MTUS2: variants seen among roughly 807,000 people sequenced by gnomAD.
The protein encoded by MTUS2 is microtubule associated scaffold protein 2.
MTUS2 carries 40 observed loss-of-function variants against 114.1 expected under a neutral mutation model. The observed-to-expected ratio is 0.35, with a 90% CI of 0.27 to 0.46. The LOEUF (loss-of-function observed/expected upper bound fraction) is 0.46. Among genes scored for constraint, MTUS2 ranks in the 20% least tolerant of loss-of-function variants. The pLI is 1.00. For synonymous variants in MTUS2, 688 were observed against 672.0 expected (o/e 1.02, Z -0.37); for missense variants, 1,679 against 1,705.4 (o/e 0.98, Z 0.27).
At chr13:28,854,082 A>C (rs981520237) in intron 2 of MTUS2, among the ~76,000 whole-genome samples, 1 of 152,184 alleles carries the variant, frequency 6.6e-6, no homozygotes, top group East Asian at 1.9e-4. Context: ...GGGACTTGCT[A>C]TTCAAAGCGT....
chr13:29,248,809 A>G (rs1897019154), intron 5 of MTUS2, among the ~76,000 whole-genome samples: 1 of 152,266 alleles, frequency 6.6e-6, no homozygotes, highest in East Asian at 1.9e-4. Flanking sequence ...ACATGATCTC[A>G]TTCCTTTTTA....
At chr13:29,325,488 G>GC (rs1900453524) in intron 7 of MTUS2, among the ~76,000 whole-genome samples, 1 of 73,070 alleles carries the variant, frequency 1.4e-5, no homozygotes, top group Non-Finnish European at 3.3e-5. Context: ...AGAAGAGGAA[G>GC]AGGGAGGAGG....
chr13:28,900,304 G>T (rs143460576), intron 2 of MTUS2, among the ~76,000 whole-genome samples: 2 of 152,162 alleles, frequency 1.3e-5, no homozygotes, highest in African/African-American at 4.8e-5. Context: ...AGCTGTGTGT[G>T]TGTGTGTATG....
At chr13:29,060,268 G>A (rs1193388548) in intron 4 of MTUS2, among the ~76,000 whole-genome samples, 1 of 152,222 alleles carries the variant, frequency 6.6e-6, no homozygotes, top group Non-Finnish European at 1.5e-5. Flanking sequence ...AAATGTCCAG[G>A]TGGCTCTCTG....
intron 6 of MTUS2, among the ~76,000 whole-genome samples, chr13:29,284,475 T>TA (rs1446099598): frequency 6.6e-6 from 1 of 152,172 alleles, no homozygotes; most frequent in Non-Finnish European, 1.5e-5. Flanking sequence ...AGGTTACTGA[T>TA]ACATTTTGAA....
intron 8 of MTUS2, among the ~76,000 whole-genome samples, chr13:29,413,013 C>CT (rs1168010099): frequency 1.3e-5 from 2 of 152,278 alleles, no homozygotes; most frequent in Non-Finnish European, 2.9e-5. Flanking sequence ...GTCTCTGACA[C>CT]TGATTCTTTC....
intron 2 of MTUS2, among the ~76,000 whole-genome samples, chr13:28,896,137 G>C (rs1879251258): frequency 6.6e-6 from 1 of 152,120 alleles, no homozygotes; most frequent in Non-Finnish European, 1.5e-5. Flanking sequence ...AGATGATTAG[G>C]GAAGAGTTGT....
intron 1 of MTUS2, among the ~76,000 whole-genome samples, chr13:28,824,260 C>G (rs750465193): frequency 6.6e-6 from 1 of 152,182 alleles, no homozygotes; most frequent in African/African-American, 2.4e-5. Context: ...GTAATTCTTT[C>G]TCTGTGCCTT....
At chr13:29,371,826 T>G (rs9578090) in intron 8 of MTUS2, among the ~76,000 whole-genome samples, 30,956 of 152,066 alleles carry the variant, frequency 0.2, 3,253 homozygotes, top group Middle Eastern at 0.25. Context: ...TTCCTTGCCA[T>G]AGGTCTCATG....
At chr13:29,492,787 A>T (rs1463898605) in intron 12 of MTUS2, 68 bp downstream of exon 12, 2 of 1,235,964 alleles carry the variant, frequency 1.6e-6, no homozygotes, top group East Asian at 4.7e-5. Context: ...CCACCCACAA[A>T]CATTCATTCA....
At chr13:29,495,920 G>A (rs1882524110) in intron 12 of MTUS2, among the ~76,000 whole-genome samples, 1 of 151,750 alleles carries the variant, frequency 6.6e-6, no homozygotes, top group Admixed American at 6.6e-5. Context: ...TTATATGTGT[G>A]TGTGTGTGTG....
intron 2 of MTUS2, among the ~76,000 whole-genome samples, chr13:29,020,087 G>T (rs1593388638): frequency 6.6e-6 from 1 of 152,186 alleles, no homozygotes; most frequent in South Asian, 2.1e-4. Flanking sequence ...AGAACCAGGG[G>T]AAGCCACTTA....
chr13:29,004,340 T>C (rs988858580), intron 2 of MTUS2, among the ~76,000 whole-genome samples: 3 of 152,226 alleles, frequency 2.0e-5, no homozygotes, highest in African/African-American at 7.2e-5. Flanking sequence ...CTAAATTGAT[T>C]TGAGTTTGAA....
At chr13:29,027,860 G>A (rs753450480) in intron 3 of MTUS2, among the ~76,000 whole-genome samples, 4 of 152,098 alleles carry the variant, frequency 2.6e-5, no homozygotes, top group African/African-American at 4.8e-5. Context: ...TTTTATCACC[G>A]TATAGATACA....
rs1348753784 is a variant in MTUS2, at chr13:29,025,860, G to A, written c.1162G>A (p.Glu388Lys). 1.2e-6 allele frequency: 2 copies of A among 1,613,298 alleles called. No individual in the cohort carries two copies. The change falls in exon 3 of 16, where the codon GAG becomes AAG. Residue 388 changes from glutamate (E) to lysine (K), a missense_variant. Around this residue, in one of 3 missense-constraint regions of MTUS2, gnomAD observed 843 missense variants for 770.8 expected, o/e 1.09. Transcript: ENST00000612955. The stretch of plus-strand genomic sequence containing the variant: ...AGAGAAGAGAGGAGTCAACCCAGGG[G>A]AGCAGGATTCTCTCCACACCACCCC... ...CEEKRGVNPG[E>K]QDSLHTTPKQ...
intron 2 of MTUS2, among the ~76,000 whole-genome samples, chr13:28,954,677 C>T (rs1593329779): frequency 6.6e-6 from 1 of 152,174 alleles, no homozygotes; most frequent in East Asian, 1.9e-4. Flanking sequence ...AAAAGGTGGC[C>T]TTCCAAGAAC....
chr13:29,389,371 G>GTATGTA (rs1566172653), intron 8 of MTUS2, among the ~76,000 whole-genome samples: 1,007 of 64,336 alleles, frequency 0.016, 97 homozygotes, highest in Non-Finnish European at 0.023. Flanking sequence ...ATGCACGTGT[G>GTATGTA]TGTATATATG....
chr13:29,357,525 A>G (rs1869850771), intron 7 of MTUS2, among the ~76,000 whole-genome samples: 1 of 152,230 alleles, frequency 6.6e-6, no homozygotes, highest in African/African-American at 2.4e-5. Flanking sequence ...GGGGAAAAAA[A>G]TATCTATCTT....
intron 2 of MTUS2, among the ~76,000 whole-genome samples, chr13:28,983,849 C>T (rs1884462294): frequency 6.6e-6 from 1 of 152,226 alleles, no homozygotes; most frequent in Non-Finnish European, 1.5e-5. Flanking sequence ...TTTATCACTG[C>T]TGCCAAGCAC....
Sources: gnomAD v4.1 joint callset for allele counts (sites outside exome capture counted in the v4.1 genomes callset) on GRCh38, gnomAD v4.1.1 for gene constraint, gnomAD v4.1.1 regional missense constraint, MANE v1.5 for transcripts, NCBI Gene and HGNC (gene_info 2026-07-23, HGNC 2026-07-21) for gene names.